PRKCA: variants seen among roughly 807,000 people sequenced by gnomAD.
PRKCA encodes the protein protein kinase C alpha, also known as protein kinase C alpha type.
In PRKCA, 27 loss-of-function variants were observed where a neutral mutation model predicts 87.0. The observed-to-expected ratio is 0.31, with a 90% CI of 0.23 to 0.43. The LOEUF is 0.43. PRKCA is among the 20% of genes least tolerant of loss of function. The probability of loss-of-function intolerance (pLI) is 1.00; values close to 1 mark genes in which losing one functional copy is unlikely to be tolerated. For missense variants in PRKCA, 518 were observed against 852.3 expected (o/e 0.61, Z 4.88); for synonymous variants, 329 against 311.1 (o/e 1.06, Z -0.61).
intron 14 of PRKCA, among the ~76,000 whole-genome samples, chr17:66,785,337 C>G (rs1022709497): frequency 1.3e-5 from 2 of 152,218 alleles, no homozygotes; most frequent in African/African-American, 4.8e-5. Context: ...CTTCTGACTA[C>G]TGCGAAGTTA....
intron 2 of PRKCA, among the ~76,000 whole-genome samples, chr17:66,484,135 A>C (rs1161717377): frequency 6.6e-6 from 1 of 152,126 alleles, no homozygotes; most frequent in Non-Finnish European, 1.5e-5. Context: ...CCCCTTGTAA[A>C]ACTGTTGAAT....
chr17:66,649,650 C>T (rs1287230466), intron 5 of PRKCA, among the ~76,000 whole-genome samples: 1 of 152,126 alleles, frequency 6.6e-6, no homozygotes, highest in African/African-American at 2.4e-5. Flanking sequence ...TTAGAGTCTC[C>T]TTTGGAACAA....
At chr17:66,409,283 A>T (rs931445306) in intron 2 of PRKCA, among the ~76,000 whole-genome samples, 1 of 152,050 alleles carries the variant, frequency 6.6e-6, no homozygotes, top group African/African-American at 2.4e-5. Flanking sequence ...AAAGTCTTGG[A>T]TGCTTCTGTG....
chr17:66,443,010 G>A (rs1913854660), intron 2 of PRKCA, among the ~76,000 whole-genome samples: 1 of 152,088 alleles, frequency 6.6e-6, no homozygotes, highest in Admixed American at 6.5e-5. Context: ...CCCTTTTTTG[G>A]TTATCATCTG....
chr17:66,703,029 T>C (rs1973100530), intron 8 of PRKCA, among the ~76,000 whole-genome samples: 1 of 152,168 alleles, frequency 6.6e-6, no homozygotes, highest in African/African-American at 2.4e-5. Context: ...TTACTCTGGG[T>C]AAGTGAGTGA....
chr17:66,439,223 C>T (rs564799450), intron 2 of PRKCA, among the ~76,000 whole-genome samples: 2 of 151,928 alleles, frequency 1.3e-5, no homozygotes, highest in African/African-American at 2.4e-5. Context: ...CTTTGTTGTC[C>T]AGGCTGGAGT....
rs921108542 is a variant in PRKCA, at chr17:66,602,964, G to A, written c.289-38391G>A. On this transcript the variant is annotated intron_variant, in intron 3 of 16. Coordinates refer to ENST00000413366, the MANE Select transcript of PRKCA (RefSeq NM_002737.3). ...ACTAGGAGGACTCTCACTTTGCTGAGTCTCTCTTTCCCTTCTTTCTTCTTC... is the reference window on the plus strand; with the variant it reads ...ACTAGGAGGACTCTCACTTTGCTGAATCTCTCTTTCCCTTCTTTCTTCTTC... 6.4e-4 allele frequency among the ~76,000 whole-genome samples: 97 copies of A among 152,154 alleles called. 1 individual carries two copies. Among genetic ancestry groups the A allele is most frequent in the Non-Finnish European group, 2.1e-4 (14 of 68,024 alleles).
chr17:66,723,563 G>C (rs1973667607), intron 8 of PRKCA, among the ~76,000 whole-genome samples: 1 of 151,080 alleles, frequency 6.6e-6, no homozygotes, highest in Non-Finnish European at 1.5e-5. Context: ...AGGAGGTGGA[G>C]GTTGCAGTGA....
chr17:66,513,581 A>G (rs1162977805), intron 3 of PRKCA, among the ~76,000 whole-genome samples: 1 of 152,206 alleles, frequency 6.6e-6, no homozygotes, highest in East Asian at 1.9e-4. Context: ...AACCTTGAAT[A>G]TTATGGCTGC....
At chr17:66,545,670 C>T (rs1968127133) in intron 3 of PRKCA, among the ~76,000 whole-genome samples, 1 of 151,964 alleles carries the variant, frequency 6.6e-6, no homozygotes, top group African/African-American at 2.4e-5. Context: ...GCTATGTTTA[C>T]TTTCTTCAAG....
At chr17:66,752,783 G>A (rs1236596262) in intron 13 of PRKCA, among the ~76,000 whole-genome samples, 1 of 152,140 alleles carries the variant, frequency 6.6e-6, no homozygotes, top group Non-Finnish European at 1.5e-5. Flanking sequence ...TTTCCATGCA[G>A]CCACTTGTCA....
At chr17:66,396,403 T>C (rs904687626) in intron 2 of PRKCA, among the ~76,000 whole-genome samples, 1 of 152,230 alleles carries the variant, frequency 6.6e-6, no homozygotes, top group Admixed American at 6.5e-5. Context: ...ATATGTTCTT[T>C]GGAGCCAATT....
At chr17:66,780,981 C>G (rs1975194273) in intron 14 of PRKCA, among the ~76,000 whole-genome samples, 1 of 151,994 alleles carries the variant, frequency 6.6e-6, no homozygotes, top group Non-Finnish European at 1.5e-5. Flanking sequence ...TGGTGACGTG[C>G]ACCTGTAATC....
chr17:66,435,219 G>A (rs907614797), intron 2 of PRKCA, among the ~76,000 whole-genome samples: 3 of 152,226 alleles, frequency 2.0e-5, no homozygotes, highest in East Asian at 1.9e-4. Context: ...TGGGGACTGC[G>A]TCCTGGCCCT....
At chr17:66,554,918 C>T (rs1004949317) in intron 3 of PRKCA, among the ~76,000 whole-genome samples, 11 of 147,534 alleles carry the variant, frequency 7.5e-5, no homozygotes, top group African/African-American at 1.8e-4. Context: ...CTCACTCTGT[C>T]GCCCAGGCTG....
At chr17:66,330,370 G>A (rs1408597848) in intron 2 of PRKCA, among the ~76,000 whole-genome samples, 1 of 152,122 alleles carries the variant, frequency 6.6e-6, no homozygotes, top group Non-Finnish European at 1.5e-5. Context: ...GCCTCCCAAA[G>A]TGCTGGGATT....
At position 66,733,217 on chromosome 17, in the gene PRKCA, A is replaced by C. The variant is rs146351458; in HGVS notation, c.1056+392A>C. ...ATCCAGAAGACCACCAGGATGGCTA[A>C]ATGGTAGAAAGGAGAGGTTTATTGG... On this transcript the variant is annotated intron_variant, in intron 9 of 16. Coordinates refer to ENST00000413366, the MANE Select transcript of PRKCA (RefSeq NM_002737.3). 2.0e-3 allele frequency among the ~76,000 whole-genome samples: 308 copies of C among 152,190 alleles called. 2 individuals carry two copies. The highest frequency in any genetic ancestry group is 4.7e-3 in the African/African-American group (194 of 41,516).
intron 2 of PRKCA, among the ~76,000 whole-genome samples, chr17:66,323,981 G>A (rs1905828323): frequency 6.6e-6 from 1 of 151,962 alleles, no homozygotes; most frequent in African/African-American, 2.4e-5. Flanking sequence ...CCATTTACTT[G>A]TCTAAACTTC....
At chr17:66,309,305 A>G (rs62069939) in intron 2 of PRKCA, among the ~76,000 whole-genome samples, 10 of 152,182 alleles carry the variant, frequency 6.6e-5, no homozygotes, top group African/African-American at 9.7e-5. Context: ...AATTTATGCC[A>G]TTTAGAGAAT....
Sources: gnomAD v4.1 joint callset for allele counts (sites outside exome capture counted in the v4.1 genomes callset) on GRCh38, gnomAD v4.1.1 for gene constraint, MANE v1.5 for transcripts, NCBI Gene and HGNC (gene_info 2026-07-23, HGNC 2026-07-21) for gene names.